Variants in CLEC16A observed in about 807,000 individuals in gnomAD.
The protein encoded by CLEC16A is protein CLEC16A.
A neutral mutation model predicts 109.5 loss-of-function variants in CLEC16A; 51 were observed. That is an observed-to-expected ratio of 0.47 (90% CI 0.37 to 0.59). CLEC16A has a LOEUF of 0.59. CLEC16A is among the 20% of genes least tolerant of loss of function. CLEC16A has a pLI of 0.00. For synonymous variants in CLEC16A, 673 were observed against 564.2 expected (o/e 1.19, Z -2.73); for missense variants, 1,339 against 1,394.0 (o/e 0.96, Z 0.63).
intron 22 of CLEC16A, among the ~76,000 whole-genome samples, chr16:11,157,596 C>T (rs1247779825): frequency 6.6e-6 from 1 of 152,310 alleles, no homozygotes; most frequent in East Asian, 1.9e-4. Flanking sequence ...TCCTGCAGGC[C>T]CTTGGAGTCA....
At chr16:11,106,135 G>T (rs992874359) in intron 19 of CLEC16A, among the ~76,000 whole-genome samples, 1 of 152,186 alleles carries the variant, frequency 6.6e-6, no homozygotes, top group African/African-American at 2.4e-5. Context: ...CAAATCTGTT[G>T]TAATTTGCCT....
chr16:10,949,507 G>T (rs538974018), intron 1 of CLEC16A, among the ~76,000 whole-genome samples: 1 of 152,202 alleles, frequency 6.6e-6, no homozygotes, highest in South Asian at 2.1e-4. Flanking sequence ...GTGGGGCAAG[G>T]GGAGCAGTGC....
intron 19 of CLEC16A, among the ~76,000 whole-genome samples, chr16:11,108,667 A>T (rs1232541067): frequency 5.9e-5 from 9 of 152,220 alleles, no homozygotes; most frequent in Admixed American, 2.6e-4. Context: ...TATGTCACTC[A>T]TCAGTTTGTG....
At chr16:10,993,958 C>T (rs1282856214) in intron 10 of CLEC16A, among the ~76,000 whole-genome samples, 1 of 152,182 alleles carries the variant, frequency 6.6e-6, no homozygotes, top group African/African-American at 2.4e-5. Flanking sequence ...GACTTAGTGA[C>T]ACGCCAGAGG....
chr16:10,969,353 G>C, intron 4 of CLEC16A, 44 bp downstream of exon 4: 1 of 1,392,058 alleles, frequency 7.2e-7, no homozygotes, highest in Non-Finnish European at 9.5e-7. Flanking sequence ...AAAGCCACAC[G>C]TGGCTTTTTT....
intron 10 of CLEC16A, among the ~76,000 whole-genome samples, chr16:10,989,853 G>A (rs985726797): frequency 1.3e-5 from 2 of 152,192 alleles, no homozygotes; most frequent in African/African-American, 4.8e-5. Flanking sequence ...CGTTGACTTA[G>A]CTCCCCTGGT....
chr16:11,094,983 G>A (rs1239103346), intron 19 of CLEC16A, among the ~76,000 whole-genome samples: 6 of 152,146 alleles, frequency 3.9e-5, no homozygotes, highest in Admixed American at 6.5e-5. Flanking sequence ...CCTGTGATGC[G>A]TTTGAAGTTT....
At chr16:11,080,104 A>T (rs1254590900) in intron 19 of CLEC16A, among the ~76,000 whole-genome samples, 1 of 152,222 alleles carries the variant, frequency 6.6e-6, no homozygotes, top group African/African-American at 2.4e-5. Context: ...TGCAGATTGC[A>T]CACTTGACTG....
At chr16:11,109,952 A>G (rs2051472489) in intron 19 of CLEC16A, among the ~76,000 whole-genome samples, 1 of 152,244 alleles carries the variant, frequency 6.6e-6, no homozygotes, top group Admixed American at 6.5e-5. Context: ...AAAGACTTGC[A>G]TTCTAAATGC....
intron 19 of CLEC16A, among the ~76,000 whole-genome samples, chr16:11,075,907 ACTC>A (rs1209582355): frequency 1.3e-5 from 2 of 151,814 alleles, no homozygotes; most frequent in African/African-American, 4.8e-5. Context: ...AAACCCCACT[ACTC>A]CTCTGTCAAG....
Position 10,944,863 on chromosome 16 carries a change from G to C in CLEC16A, c.80+66G>C. On this transcript the variant is annotated intron_variant, in intron 1 of 23. Coordinates refer to ENST00000409790, the MANE Select transcript of CLEC16A (RefSeq NM_015226.3). The stretch of plus-strand genomic sequence containing the variant: ...AGGGGGACGGGGCGCCGAGCTCCGG[G>C]TCGGGGCTCTAGGAGGCGTGAGAGC... 4 of 1,446,690 alleles carry C rather than the reference G, an allele frequency of 2.8e-6. No homozygotes were observed. In the South Asian group the frequency reaches 4.9e-5, roughly 18 times the overall value. The allele number at this position is 1,446,690 out of a possible 1,614,324, so 89.6% of individuals were successfully genotyped here.
chr16:11,116,969 A>G (rs1004017281), intron 19 of CLEC16A, among the ~76,000 whole-genome samples: 5 of 152,230 alleles, frequency 3.3e-5, no homozygotes, highest in Non-Finnish European at 4.4e-5. Context: ...AAGAAAATGT[A>G]GTACGTATAC....
At chr16:11,130,859 C>A (rs1346794793) in intron 22 of CLEC16A, among the ~76,000 whole-genome samples, 1 of 152,186 alleles carries the variant, frequency 6.6e-6, no homozygotes, top group Non-Finnish European at 1.5e-5. Context: ...TATCTGCGGG[C>A]CCAGGTAATT....
chr16:11,082,307 A>G (rs1164499701), intron 19 of CLEC16A, among the ~76,000 whole-genome samples: 1 of 152,200 alleles, frequency 6.6e-6, no homozygotes, highest in Non-Finnish European at 1.5e-5. Flanking sequence ...CTGCAGGGCC[A>G]GGGCCCTAGG....
At chr16:11,020,116 C>T in intron 11 of CLEC16A, 77 bp from the exon 12 acceptor site, 3 of 1,489,314 alleles carry the variant, frequency 2.0e-6, no homozygotes, top group Non-Finnish European at 2.7e-6. Flanking sequence ...CATATTTATT[C>T]TCCAACATGA....
rs372538759 is a variant in CLEC16A at position 10,982,958 on chromosome 16, C to T, written c.1038C>T (p.Tyr346=). 18 of 1,609,462 alleles carry T rather than the reference C, an allele frequency of 1.1e-5. No homozygotes were observed. The highest frequency in any genetic ancestry group is 6.7e-5 in the Admixed American group (4 of 59,984). The change falls in exon 10 of 24, where the codon TAC becomes TAT. Residue 346 remains tyrosine (Y), a synonymous_variant. Coordinates refer to ENST00000409790, the MANE Select transcript of CLEC16A (RefSeq NM_015226.3). Reference sequence around the variant, plus strand: ...TGAATGGTGATCTGTCTGAGATGTACGCTAAGACTGAACAGGATATTCAGA... The same window carrying T: ...TGAATGGTGATCTGTCTGAGATGTATGCTAAGACTGAACAGGATATTCAGA... ...VILNGDLSEM[Y]AKTEQDIQRS... is the part of the protein sequence containing the mutation.
rs1248515866 is a variant in CLEC16A at position 11,141,718 on chromosome 16, G to T, written c.2641+15572G>T. 2.6e-5 allele frequency among the ~76,000 whole-genome samples: 4 copies of T among 152,364 alleles called. No individual in the cohort carries two copies. The East Asian group carries it at 5.8e-4, about 22-fold the overall frequency. On this transcript the variant is annotated intron_variant, in intron 22 of 23. Coordinates refer to ENST00000409790, the MANE Select transcript of CLEC16A (RefSeq NM_015226.3). ...GGCAGCTGGGTGAGGGACGGTCTGG[G>T]ATGTGGGAGGTGCCCTTGGCTAGCA...
At position 11,103,257 on chromosome 16, in the gene CLEC16A, T is replaced by C. The variant is rs950552483; in HGVS notation, c.2117-17358T>C. On this transcript the variant is annotated intron_variant, in intron 19 of 23. Coordinates refer to ENST00000409790, the MANE Select transcript of CLEC16A (RefSeq NM_015226.3). ...CTGCTCTCCACCTCTGCTTGGCCCA[T>C]TGCTGGGCTTCTTTCAAGATCAATT... Among the ~76,000 whole-genome samples the C allele has an allele frequency of 2.6e-5, 4 of 152,282 alleles. No individual in the cohort carries two copies. In the East Asian group the frequency reaches 7.7e-4, roughly 29 times the overall value.
chr16:11,042,126 G>A (rs1422592222), intron 14 of CLEC16A, 128 bp from the exon 15 acceptor site: 5 of 644,926 alleles, frequency 7.8e-6, no homozygotes, highest in Non-Finnish European at 1.4e-5. Context: ...TGTCCCCACT[G>A]GATGTTGGGA....
Sources: allele counts gnomAD v4.1 joint callset (sites outside exome capture counted in the v4.1 genomes callset), GRCh38; gene constraint gnomAD v4.1.1; transcripts MANE v1.5; gene names NCBI Gene and HGNC (gene_info 2026-07-23, HGNC 2026-07-21).